Variants in KIF3B observed in about 807,000 individuals in gnomAD.
KIF3B encodes the protein kinesin family member 3B.
In KIF3B, 38 loss-of-function variants were observed where a neutral mutation model predicts 74.3. The observed-to-expected ratio is 0.51, with a 90% CI of 0.39 to 0.67. The LOEUF is 0.67. Among genes scored for constraint, KIF3B ranks in the 30% least tolerant of loss-of-function variants. KIF3B has a pLI of 0.00. For missense variants in KIF3B, 649 were observed against 932.0 expected (o/e 0.70, Z 3.95); for synonymous variants, 326 against 342.5 (o/e 0.95, Z 0.53).
Position 32,322,726 on chromosome 20 carries a change from ATT to A in KIF3B, c.1749-4043_1749-4042del, listed in dbSNP as rs1412508064. 2.3e-4 allele frequency among the ~76,000 whole-genome samples: 15 copies of A among 65,098 alleles called. 4 individuals carry two copies. Among genetic ancestry groups the A allele is most frequent in the African/African-American group, 7.5e-4 (11 of 14,656 alleles). 42.7% of individuals were successfully genotyped at this position (65,098 alleles called of 152,430 possible). ...TATATATTTATATATATTTATATTT[ATT>A]TATTTATATATATTTATTTATATAT... On this transcript the variant is annotated intron_variant, in intron 5 of 8. Transcript: ENST00000375712.
At chr20:32,302,809 C>A (rs544540556) in intron 1 of KIF3B, among the ~76,000 whole-genome samples, 1 of 152,282 alleles carries the variant, frequency 6.6e-6, no homozygotes, top group East Asian at 1.9e-4. Flanking sequence ...GGCCGTAGCT[C>A]ATGAGCCATT....
At position 32,310,461 on chromosome 20, in the gene KIF3B, G is replaced by T; in HGVS notation, c.684G>T (p.Val228=). The part of the protein sequence containing the change: ...IFVITIECSE[V]GLDGENHIRV... The stretch of plus-strand genomic sequence containing the variant: ...TTATCACTATTGAGTGCAGCGAGGT[G>T]GGCCTCGATGGTGAAAACCACATCC... Residue 228 remains valine (V), a synonymous_variant, in exon 2 of 9, where the codon GTG becomes GTT. Transcript: ENST00000375712. This position sits in a 1 kb window ranked among gnomAD's most constrained non-coding sequence, Gnocchi z 6.5. 1 of 1,613,992 alleles carries T rather than the reference G, an allele frequency of 6.2e-7. No homozygotes were observed. Among genetic ancestry groups the T allele is most frequent in the Non-Finnish European group, 8.5e-7 (1 of 1,180,042 alleles).
At chr20:32,286,836 T>A (rs1388048498) in intron 1 of KIF3B, among the ~76,000 whole-genome samples, 1 of 152,236 alleles carries the variant, frequency 6.6e-6, no homozygotes, top group Non-Finnish European at 1.5e-5. Context: ...ATCTTAATGA[T>A]GATTATTTTG....
rs2047868285 is a variant in KIF3B, at chr20:32,322,670, A to ATATATATATT, written c.1749-4100_1749-4099insATATATATTT. ...TATATTTTTATATATTTATATATAT[A>ATATATATATT]TTTATATATTTATATATATTTATAT... On this transcript the variant is annotated intron_variant, in intron 5 of 8. Transcript: ENST00000375712. Among the ~76,000 whole-genome samples the ATATATATATT allele has an allele frequency of 9.6e-5, 5 of 51,954 alleles. No homozygotes were observed. In the African/African-American group the frequency reaches 1.0e-3, roughly 11 times the overall value. The allele number at this position is 51,954 out of a possible 152,430, so 34.1% of individuals were successfully genotyped here. A position where few individuals can be genotyped will look rare whatever the true frequency, so the allele number is the denominator to read the frequency against.
At position 32,332,743 on chromosome 20, in the gene KIF3B, G is replaced by A. The variant is rs900943236; in HGVS notation, c.*1424G>A. ...TGTCTGTAAGAGAGACAGAGACCAA[G>A]AACTTGCCCAATTTTAGAAATACAC... On this transcript the variant is annotated 3_prime_UTR_variant, in exon 9 of 9. Transcript: ENST00000375712. 1 of 152,392 alleles carries A rather than the reference G, an allele frequency of 6.6e-6. No individual in the cohort carries two copies. The highest frequency in any genetic ancestry group is 1.5e-5 in the Non-Finnish European group (1 of 68,032). 9.4% of individuals were successfully genotyped at this position (152,392 alleles called of 1,614,324 possible). A position where few individuals can be genotyped will look rare whatever the true frequency, so the allele number is the denominator to read the frequency against.
At chr20:32,280,714 CAAAAAA>C (rs34366324) in intron 1 of KIF3B, among the ~76,000 whole-genome samples, 8 of 51,346 alleles carry the variant, frequency 1.6e-4, no homozygotes, top group Admixed American at 3.0e-4. Flanking sequence ...GACTCCGTCT[CAAAAAA>C]AAAAAAAAAA....
In KIF3B at chr20:32,312,792, G is replaced by A. The variant is rs949434703; in HGVS notation, c.1404+1611G>A. On this transcript the variant is annotated intron_variant, in intron 2 of 8. Coordinates refer to ENST00000375712, the MANE Select transcript of KIF3B (RefSeq NM_004798.4). ...TGGACGTGCAAGATTGTCTTGTTTG[G>A]CACTGTTAGGTCTTAGGGTATTTGC... Among the ~76,000 whole-genome samples the A allele has an allele frequency of 3.9e-5, 6 of 152,272 alleles. No individual in the cohort carries two copies. In the East Asian group the frequency reaches 9.6e-4, roughly 24 times the overall value.
intron 8 of KIF3B, 130 bp downstream of exon 8, chr20:32,330,449 TTTAC>T (rs2047924915): frequency 6.6e-6 from 5 of 753,778 alleles, no homozygotes; most frequent in Non-Finnish European, 1.1e-5. Context: ...TACTCCTATG[TTTAC>T]TTATTTATTC....
At chr20:32,304,646 G>A (rs6119815) in intron 1 of KIF3B, among the ~76,000 whole-genome samples, 1 of 152,132 alleles carries the variant, frequency 6.6e-6, no homozygotes, top group African/African-American at 2.4e-5. Context: ...TGAACTCCAA[G>A]GACACTGTTT....
intron 1 of KIF3B, among the ~76,000 whole-genome samples, chr20:32,306,161 G>T (rs530426915): frequency 3.6e-4 from 55 of 151,374 alleles, no homozygotes; most frequent in African/African-American, 1.3e-3. Context: ...TTGGGAGGCC[G>T]AGGCAGGCCA....
At chr20:32,294,256 TTG>T (rs2047706373) in intron 1 of KIF3B, among the ~76,000 whole-genome samples, 1 of 152,228 alleles carries the variant, frequency 6.6e-6, no homozygotes, top group South Asian at 2.1e-4. Context: ...GTTTGCCTCT[TTG>T]TGTCATCAAA....
chr20:32,303,738 C>A (rs1209325136), intron 1 of KIF3B, among the ~76,000 whole-genome samples: 3 of 151,096 alleles, frequency 2.0e-5, no homozygotes, highest in Non-Finnish European at 4.4e-5. Context: ...ACCTGTAATC[C>A]CAGCTATTCG....
chr20:32,293,211 G>A (rs1380173512), intron 1 of KIF3B, among the ~76,000 whole-genome samples: 2 of 152,128 alleles, frequency 1.3e-5, no homozygotes, highest in African/African-American at 4.8e-5. Flanking sequence ...CTGTGATTGT[G>A]CCACTGCACT....
intron 1 of KIF3B, among the ~76,000 whole-genome samples, chr20:32,285,112 A>C (rs2047661556): frequency 6.6e-6 from 1 of 152,180 alleles, no homozygotes; most frequent in Non-Finnish European, 1.5e-5. Context: ...AAAAAAAAAA[A>C]AAAACAGTGA....
At chr20:32,318,962 C>CT (rs761729656) in intron 5 of KIF3B, among the ~76,000 whole-genome samples, 282 of 142,832 alleles carry the variant, frequency 2.0e-3, no homozygotes, top group African/African-American at 3.1e-3. Flanking sequence ...TCCACATCTT[C>CT]TTTTTTTTTT....
rs538952580 is a variant in KIF3B at position 32,330,506 on chromosome 20, T to A, written c.2147+187T>A. Among the ~76,000 whole-genome samples the A allele has an allele frequency of 1.2e-4, 18 of 152,346 alleles. 1 individual carries two copies. In the South Asian group the frequency reaches 3.5e-3, roughly 30 times the overall value. The stretch of plus-strand genomic sequence containing the variant: ...GAGACACTATGCTGGGTATACCGAA[T>A]ACCAGAATACCTAATGTCCCCAGTC... On this transcript the variant is annotated intron_variant, in intron 8 of 8. Transcript: ENST00000375712.
At chr20:32,283,801 C>T (rs1569186182) in intron 1 of KIF3B, among the ~76,000 whole-genome samples, 2 of 151,948 alleles carry the variant, frequency 1.3e-5, no homozygotes, top group African/African-American at 2.4e-5. Flanking sequence ...CAGAGTGAGA[C>T]TCCATCTCAA....
intron 1 of KIF3B, among the ~76,000 whole-genome samples, chr20:32,300,732 T>C (rs2047739484): frequency 6.6e-6 from 1 of 152,196 alleles, no homozygotes; most frequent in African/African-American, 2.4e-5. Context: ...GTTTTTCTAC[T>C]GTGATAACCA....
chr20:32,291,588 G>A (rs2047691473), intron 1 of KIF3B, among the ~76,000 whole-genome samples: 1 of 150,590 alleles, frequency 6.6e-6, no homozygotes, highest in East Asian at 2.0e-4. Flanking sequence ...CTCATATCCA[G>A]TGTTCCAATT....
Sources: allele counts gnomAD v4.1 joint callset (sites outside exome capture counted in the v4.1 genomes callset), GRCh38; gene constraint gnomAD v4.1.1; non-coding constraint Gnocchi (gnomAD v3.1); transcripts MANE v1.5; gene names NCBI Gene and HGNC (gene_info 2026-07-23, HGNC 2026-07-21).